The following BMPER variants were observed in gnomAD, a reference collection of about 807,000 sequenced individuals.
The protein encoded by BMPER is BMP binding endothelial regulator.
BMPER carries 45 observed loss-of-function variants against 87.3 expected under a neutral mutation model. The observed-to-expected ratio is 0.52, with a 90% CI of 0.41 to 0.66. The LOEUF (loss-of-function observed/expected upper bound fraction) is 0.66. Ranked by LOEUF, BMPER falls within the 30% of genes least tolerant of loss-of-function variation. The pLI is 0.00. For synonymous variants in BMPER, 326 were observed against 316.2 expected, an observed-to-expected ratio of 1.03 and a Z score of -0.33; for missense variants, 784 against 867.5, an observed-to-expected ratio of 0.90 and a Z score of 1.21.
intron 3 of BMPER, among the ~76,000 whole-genome samples, chr7:33,959,558 G>A (rs181914559): frequency 1.3e-5 from 2 of 152,294 alleles, no homozygotes; most frequent in Admixed American, 1.3e-4. Flanking sequence ...TCAGCCCTGA[G>A]CAATAGGCAC....
In BMPER at chr7:34,147,509, T is replaced by A. The variant is rs147942512; in HGVS notation, c.1876+4149T>A. 3.3e-5 allele frequency among the ~76,000 whole-genome samples: 5 copies of A among 152,330 alleles called. No individual in the cohort carries two copies. The East Asian group carries it at 9.7e-4, about 29-fold the overall frequency. On this transcript the variant is annotated intron_variant, in intron 14 of 14. Transcript: ENST00000649409. ...TTTTGAGACGGAGTTTTGCTCTTGT[T>A]GCCCAGGCTGGAGTGCAATGGCGTG...
At chr7:34,031,909 TATATATATATATATATATAC>T (rs2127951397) in intron 6 of BMPER, among the ~76,000 whole-genome samples, 1 of 125,282 alleles carries the variant, frequency 8.0e-6, no homozygotes, top group African/African-American at 3.1e-5. Context: ...TATATATATA[TATATATATATATATATATAC>T]ACACACACAC....
intron 13 of BMPER, among the ~76,000 whole-genome samples, chr7:34,129,630 G>GAGAAAGAAAGAAAGAAA (rs1790516595): frequency 1.8e-5 from 1 of 56,272 alleles, no homozygotes; most frequent in African/African-American, 6.9e-5. Flanking sequence ...GAGAGAAAGA[G>GAGAAAGAAAGAAAGAAA]AGAAAGAAAG....
intron 11 of BMPER, among the ~76,000 whole-genome samples, chr7:34,065,197 A>ACTCT (rs1562720393): frequency 1.1e-4 from 14 of 129,314 alleles, no homozygotes; most frequent in African/African-American, 3.4e-4. Flanking sequence ...ACACACATAC[A>ACTCT]CACTCACTCT....
intron 2 of BMPER, among the ~76,000 whole-genome samples, chr7:33,919,068 A>G (rs1033331309): frequency 5.3e-5 from 8 of 152,104 alleles, no homozygotes; most frequent in African/African-American, 1.7e-4. Context: ...GTGGGGGGGA[A>G]TTGTTAAAAA....
chr7:34,109,236 G>A (rs1789899332), intron 13 of BMPER, among the ~76,000 whole-genome samples: 1 of 152,158 alleles, frequency 6.6e-6, no homozygotes, highest in African/African-American at 2.4e-5. Context: ...AAGTTCAAAG[G>A]CGGCAAAAAG....
At chr7:34,040,143 G>C (rs1257598280) in intron 6 of BMPER, among the ~76,000 whole-genome samples, 1 of 152,156 alleles carries the variant, frequency 6.6e-6, no homozygotes, top group African/African-American at 2.4e-5. Flanking sequence ...GGCTGGAGTA[G>C]AATGTTGAGA....
rs542013691 is a variant in BMPER, at chr7:34,063,054, A to C, written c.1078+1007A>C. On this transcript the variant is annotated intron_variant, in intron 11 of 14. Transcript: ENST00000649409. Reference sequence around the variant, plus strand: ...TGCCTAGATCTATTAGCAAACTGCCATTTTAGTCCTCCTGAAATTCATATG... The same window carrying C: ...TGCCTAGATCTATTAGCAAACTGCCCTTTTAGTCCTCCTGAAATTCATATG... 2.0e-4 allele frequency among the ~76,000 whole-genome samples: 31 copies of C among 152,338 alleles called. No homozygotes were observed. The South Asian group carries it at 4.8e-3, about 23-fold the overall frequency.
At chr7:33,916,820 T>C (rs144094297) in intron 2 of BMPER, among the ~76,000 whole-genome samples, 3 of 152,286 alleles carry the variant, frequency 2.0e-5, no homozygotes, top group African/African-American at 7.2e-5. Flanking sequence ...GGAGTTAGAC[T>C]GGAGTTTCCT....
intron 2 of BMPER, among the ~76,000 whole-genome samples, chr7:33,936,273 C>G (rs1055919270): frequency 6.6e-6 from 1 of 152,182 alleles, no homozygotes; most frequent in Non-Finnish European, 1.5e-5. Flanking sequence ...TTGCTCCTCT[C>G]CAACCTGCCC....
At chr7:34,113,439 T>C (rs1790032614) in intron 13 of BMPER, among the ~76,000 whole-genome samples, 1 of 151,240 alleles carries the variant, frequency 6.6e-6, no homozygotes, top group Admixed American at 6.6e-5. Context: ...AAAATACACA[T>C]AAATTTTCTT....
At chr7:34,093,870 G>GGT (rs1789458702) in intron 13 of BMPER, among the ~76,000 whole-genome samples, 3 of 152,074 alleles carry the variant, frequency 2.0e-5, no homozygotes, top group South Asian at 4.1e-4. Context: ...GAGGCAGAAT[G>GGT]GTGTAACTTA....
chr7:34,113,196 A>C (rs1219892693), intron 13 of BMPER, among the ~76,000 whole-genome samples: 1 of 151,970 alleles, frequency 6.6e-6, no homozygotes, highest in Non-Finnish European at 1.5e-5. Context: ...AATGATATTC[A>C]TCTTTTTTCT....
intron 2 of BMPER, among the ~76,000 whole-genome samples, chr7:33,908,580 A>C (rs1258831526): frequency 6.6e-6 from 1 of 152,216 alleles, no homozygotes; most frequent in African/African-American, 2.4e-5. Flanking sequence ...AAGATGCATC[A>C]GTTGGAATTC....
chr7:33,989,495 A>T (rs930927462), intron 6 of BMPER, among the ~76,000 whole-genome samples: 3 of 151,922 alleles, frequency 2.0e-5, no homozygotes, highest in African/African-American at 4.8e-5. Flanking sequence ...GTTTGAGTTC[A>T]TTGTAGATTC....
chr7:34,010,284 T>C (rs982451209), intron 6 of BMPER, among the ~76,000 whole-genome samples: 1 of 151,998 alleles, frequency 6.6e-6, no homozygotes, highest in Non-Finnish European at 1.5e-5. Flanking sequence ...GCATAGTTCA[T>C]TATTAACACC....
chr7:33,996,792 A>G (rs1368298137), intron 6 of BMPER, among the ~76,000 whole-genome samples: 1 of 152,270 alleles, frequency 6.6e-6, no homozygotes, highest in Non-Finnish European at 1.5e-5. Context: ...CCCTAACCCC[A>G]TATATCCAAA....
At chr7:33,912,534 T>C (rs1412342203) in intron 2 of BMPER, among the ~76,000 whole-genome samples, 1 of 151,960 alleles carries the variant, frequency 6.6e-6, no homozygotes, top group African/African-American at 2.4e-5. Context: ...AGAATGCAAA[T>C]AGGGGGAGGG....
chr7:34,030,050 C>T (rs191634689), intron 6 of BMPER, among the ~76,000 whole-genome samples: 3 of 152,026 alleles, frequency 2.0e-5, no homozygotes, highest in Admixed American at 2.0e-4. Flanking sequence ...CAATTCTGAG[C>T]AGGAATCTTG....
Sources: gnomAD v4.1 joint callset for allele counts (sites outside exome capture counted in the v4.1 genomes callset) on GRCh38, gnomAD v4.1.1 for gene constraint, MANE v1.5 for transcripts, NCBI Gene and HGNC (gene_info 2026-07-23, HGNC 2026-07-21) for gene names.